KCTD8: variants seen among roughly 807,000 people sequenced by gnomAD.
The protein encoded by KCTD8 is BTB/POZ domain-containing protein KCTD8.
Under a neutral mutation model 31.5 loss-of-function variants are expected in KCTD8, and 27 were observed. That is an observed-to-expected ratio of 0.86 (90% CI 0.63 to 1.18). The LOEUF is 1.18. Ranked by LOEUF, KCTD8 falls within the 50% of genes most tolerant of loss-of-function variation. The pLI, the probability that KCTD8 is intolerant of heterozygous loss-of-function variation, is 0.00. For missense variants in KCTD8, 658 were observed against 647.7 expected (o/e 1.02, Z -0.17); for synonymous variants, 290 against 280.0 (o/e 1.04, Z -0.36).
At chr4:44,302,527 A>G (rs1037117089) in intron 1 of KCTD8, among the ~76,000 whole-genome samples, 26 of 151,928 alleles carry the variant, frequency 1.7e-4, no homozygotes, top group Admixed American at 1.4e-3. Context: ...TTTGTCTGTT[A>G]TTGGTGTATA....
chr4:44,293,271 A>T (rs1480338409), intron 1 of KCTD8: 1 of 229,234 alleles, frequency 4.4e-6, no homozygotes, highest in Non-Finnish European at 9.0e-6. Context: ...CTTTTCCCTT[A>T]CAGTTAGAGT....
intron 1 of KCTD8, among the ~76,000 whole-genome samples, chr4:44,298,227 C>G (rs1035310958): frequency 1.3e-5 from 2 of 152,082 alleles, no homozygotes; most frequent in Non-Finnish European, 2.9e-5. Flanking sequence ...GCAAACTTCC[C>G]AGACATACTG....
intron 1 of KCTD8, among the ~76,000 whole-genome samples, chr4:44,276,445 TTATC>T (rs1225032931): frequency 6.6e-6 from 1 of 151,966 alleles, no homozygotes; most frequent in Admixed American, 6.6e-5. Context: ...TTTTAAATAA[TTATC>T]TAAGGATTCA....
chr4:44,199,607 G>T (rs532644391), intron 1 of KCTD8, among the ~76,000 whole-genome samples: 4 of 152,094 alleles, frequency 2.6e-5, no homozygotes, highest in African/African-American at 7.2e-5. Flanking sequence ...TGAAATTAAA[G>T]AAATTAAAGA....
chr4:44,424,387 A>G (rs113054555), intron 1 of KCTD8, among the ~76,000 whole-genome samples: 1 of 152,194 alleles, frequency 6.6e-6, no homozygotes, highest in African/African-American at 2.4e-5. Flanking sequence ...TAGATAGACC[A>G]TCATATATAC....
chr4:44,292,618 TAAAA>T (rs954002294), intron 1 of KCTD8, among the ~76,000 whole-genome samples: 3 of 152,076 alleles, frequency 2.0e-5, no homozygotes, highest in Admixed American at 2.0e-4. Context: ...CCTCTGAATC[TAAAA>T]TAAAAGTTGA....
At chr4:44,190,939 T>C (rs1380312900) in intron 1 of KCTD8, among the ~76,000 whole-genome samples, 1 of 152,210 alleles carries the variant, frequency 6.6e-6, no homozygotes, top group Non-Finnish European at 1.5e-5. Context: ...ATAACAGACC[T>C]CTCTTCCTGA....
At chr4:44,417,362 A>G (rs1721100133) in intron 1 of KCTD8, among the ~76,000 whole-genome samples, 1 of 152,316 alleles carries the variant, frequency 6.6e-6, no homozygotes, top group African/African-American at 2.4e-5. Context: ...ACAGGATACT[A>G]CTCGCTAGGA....
chr4:44,174,773 C>A lies in KCTD8; in HGVS notation c.*17G>T. ...AACATTGAATGTCATCAAAATACTG[C>A]AGGAATGTGACAATTACTATAACCC... On this transcript the variant is annotated 3_prime_UTR_variant, in exon 2 of 2. Transcript: ENST00000360029. The A allele has an allele frequency of 6.4e-7, 1 of 1,557,204 alleles. No homozygotes were observed. Among genetic ancestry groups the A allele is most frequent in the Non-Finnish European group, 8.7e-7 (1 of 1,146,474 alleles).
chr4:44,377,594 A>G (rs981788174), intron 1 of KCTD8, among the ~76,000 whole-genome samples: 1 of 152,214 alleles, frequency 6.6e-6, no homozygotes, highest in Non-Finnish European at 1.5e-5. Flanking sequence ...AAGAAGGGCC[A>G]GAGTGGGTCC....
chr4:44,288,300 A>T (rs903014609), intron 1 of KCTD8, among the ~76,000 whole-genome samples: 1 of 152,172 alleles, frequency 6.6e-6, no homozygotes, highest in Non-Finnish European at 1.5e-5. Flanking sequence ...ATGAATAGAA[A>T]GTCATTGACA....
intron 1 of KCTD8, among the ~76,000 whole-genome samples, chr4:44,411,644 T>C (rs1161999133): frequency 6.6e-6 from 1 of 151,960 alleles, no homozygotes; most frequent in South Asian, 2.1e-4. Context: ...TATTTGGAAA[T>C]AGGGTTGTAG....
intron 1 of KCTD8, among the ~76,000 whole-genome samples, chr4:44,329,554 A>G (rs545883920): frequency 4.5e-4 from 68 of 152,142 alleles, no homozygotes; most frequent in African/African-American, 1.5e-3. Context: ...TATAAACTGT[A>G]AAGCTCTATA....
chr4:44,269,281 C>T (rs902279777), intron 1 of KCTD8, among the ~76,000 whole-genome samples: 1 of 152,056 alleles, frequency 6.6e-6, no homozygotes, highest in South Asian at 2.1e-4. Context: ...GAAAAACAAG[C>T]AATGGGGAAA....
chr4:44,269,894 C>G (rs1274571179), intron 1 of KCTD8, among the ~76,000 whole-genome samples: 41 of 152,104 alleles, frequency 2.7e-4, no homozygotes, highest in Middle Eastern at 3.4e-3. Context: ...GGAAACAACA[C>G]ATGCTGGAGA....
intron 1 of KCTD8, among the ~76,000 whole-genome samples, chr4:44,241,187 TTACTCTAAAC>T (rs1715448864): frequency 6.6e-6 from 1 of 152,226 alleles, no homozygotes; most frequent in South Asian, 2.1e-4. Context: ...ATTTCTTCTT[TTACTCTAAAC>T]AAAAAAGAAA....
chr4:44,301,945 G>A (rs1033319900), intron 1 of KCTD8, among the ~76,000 whole-genome samples: 5 of 152,144 alleles, frequency 3.3e-5, no homozygotes, highest in African/African-American at 4.8e-5. Flanking sequence ...TGGCTAGCCA[G>A]TTTTCCCAGC....
chr4:44,185,221 A>G (rs1211848833), intron 1 of KCTD8, among the ~76,000 whole-genome samples: 1 of 152,148 alleles, frequency 6.6e-6, no homozygotes, highest in Non-Finnish European at 1.5e-5. Context: ...CTTATTTTCA[A>G]ACACTTGTCA....
intron 1 of KCTD8, among the ~76,000 whole-genome samples, chr4:44,421,821 A>G (rs1456973144): frequency 6.6e-6 from 1 of 152,084 alleles, no homozygotes; most frequent in Non-Finnish European, 1.5e-5. Context: ...TGGAGCTACT[A>G]TTGGGAGTAA....
Sources: allele counts gnomAD v4.1 joint callset (sites outside exome capture counted in the v4.1 genomes callset), GRCh38; gene constraint gnomAD v4.1.1; transcripts MANE v1.5; gene names NCBI Gene and HGNC (gene_info 2026-07-23, HGNC 2026-07-21).